PGD: variants seen among roughly 807,000 people sequenced by gnomAD.
PGD encodes phosphogluconate dehydrogenase.
In PGD, 21 loss-of-function variants were observed where a neutral mutation model predicts 60.4. The observed-to-expected ratio is 0.35, with a 90% CI of 0.25 to 0.50. PGD has a LOEUF of 0.50. Ranked by LOEUF, PGD falls within the 20% of genes least tolerant of loss-of-function variation. PGD has a pLI of 0.98. For synonymous variants in PGD, 230 were observed against 235.9 expected, an observed-to-expected ratio of 0.97 and a Z score of 0.23; for missense variants, 477 against 613.1, an observed-to-expected ratio of 0.78 and a Z score of 2.34.
intron 10 of PGD, among the ~76,000 whole-genome samples, chr1:10,418,390 A>T (rs1314349308): frequency 6.6e-6 from 1 of 152,230 alleles, no homozygotes; most frequent in Non-Finnish European, 1.5e-5. Flanking sequence ...TCTAAACAGG[A>T]AAAGGGTTAA....
chr1:10,413,791 G>A (rs1028355492), intron 8 of PGD, among the ~76,000 whole-genome samples: 1 of 152,126 alleles, frequency 6.6e-6, no homozygotes, highest in Non-Finnish European at 1.5e-5. Context: ...TGTAGTCCCA[G>A]CCACTCAGGA....
rs897582033 is a variant in PGD, at chr1:10,420,162, C to T, written c.*413C>T. The T allele has an allele frequency of 1.3e-5, 2 of 159,936 alleles. No individual in the cohort carries two copies. Among genetic ancestry groups the T allele is most frequent in the African/African-American group, 4.8e-5 (2 of 41,532 alleles). The allele number at this position is 159,936 out of a possible 1,614,324, so 9.9% of individuals were successfully genotyped here. ...CAGACTGATGCTCTTTCTCCAGATT[C>T]TTAGTCTCACCTCGGCCACATGGAG... On this transcript the variant is annotated 3_prime_UTR_variant, in exon 13 of 13. Coordinates refer to ENST00000270776, the MANE Select transcript of PGD (RefSeq NM_002631.4).
intron 5 of PGD, among the ~76,000 whole-genome samples, chr1:10,405,639 A>G (rs933257509): frequency 1.3e-5 from 2 of 151,032 alleles, no homozygotes; most frequent in Non-Finnish European, 3.0e-5. Context: ...CAGGAGTTCA[A>G]GACCAGCCTG....
In PGD at chr1:10,399,103, G is replaced by A. The variant is rs750599036; in HGVS notation, c.-15G>A. On this transcript the variant is annotated 5_prime_UTR_variant, in exon 1 of 13. Transcript: ENST00000270776. Reference sequence around the variant, plus strand: ...CCGCGCGTCGCCGCTCTTCGGTTCTGCTCTGTCCGCCGCCATGGCCCAGTG... The same window carrying A: ...CCGCGCGTCGCCGCTCTTCGGTTCTACTCTGTCCGCCGCCATGGCCCAGTG... 4.3e-6 allele frequency: 7 copies of A among 1,609,718 alleles called. No individual in the cohort carries two copies. Among genetic ancestry groups the A allele is most frequent in the Admixed American group, 1.7e-5 (1 of 59,996 alleles).
rs1639412770 is a variant in PGD, at chr1:10,406,781, CG to C, written c.450-1288del. Among the ~76,000 whole-genome samples the C allele has an allele frequency of 5.3e-5, 8 of 152,286 alleles. No individual in the cohort carries two copies. The South Asian group carries it at 1.7e-3, about 32-fold the overall frequency. ...GCTGAGCTGTGGAAGGAATGAACAGCGGCCTTTCTCTGAATGGTAATGTAGC... is the reference window on the plus strand; with the variant it reads ...GCTGAGCTGTGGAAGGAATGAACAGCGCCTTTCTCTGAATGGTAATGTAGC... On this transcript the variant is annotated intron_variant, in intron 5 of 12. Transcript: ENST00000270776.
rs148373597 is a variant in PGD, at chr1:10,409,381, C to T, written c.519+1241C>T. Among the ~76,000 whole-genome samples, 27 of 152,060 alleles carry T rather than the reference C, an allele frequency of 1.8e-4. No homozygotes were observed. In the East Asian group the frequency reaches 4.1e-3, roughly 23 times the overall value. On this transcript the variant is annotated intron_variant, in intron 6 of 12. Transcript: ENST00000270776. ...AGAAAGAGGCTGGTGCTGGGACTGA[C>T]GTAAAGAGCTGAGTAATCTTCTCAT...
chr1:10,419,374 C>G, intron 11 of PGD, 43 bp from the exon 12 acceptor site: 1 of 1,594,198 alleles, frequency 6.3e-7, no homozygotes, highest in Non-Finnish European at 8.5e-7. Context: ...TCCGCGTCAC[C>G]AGGGGCAGAT....
chr1:10,410,026 G>A (rs1639474195), intron 6 of PGD, among the ~76,000 whole-genome samples: 1 of 152,158 alleles, frequency 6.6e-6, no homozygotes, highest in South Asian at 2.1e-4. Flanking sequence ...GCCCCTACGT[G>A]TGTTGATCAA....
chr1:10,409,898 G>A (rs1639470659), intron 6 of PGD, among the ~76,000 whole-genome samples: 1 of 151,656 alleles, frequency 6.6e-6, no homozygotes, highest in Non-Finnish European at 1.5e-5. Flanking sequence ...TCAAGTAATC[G>A]GCCCACCTTG....
chr1:10,419,189 T>TC, intron 11 of PGD, among the ~76,000 whole-genome samples: 1 of 151,170 alleles, frequency 6.6e-6, no homozygotes, highest in Middle Eastern at 3.4e-3. Flanking sequence ...TTTTTTTTTT[T>TC]TGTATTTTTA....
rs377004625 is a variant in PGD at position 10,399,076 on chromosome 1, C to T, written c.-42C>T. 6.2e-7 allele frequency: 1 copy of T among 1,608,772 alleles called. No homozygotes were observed. Among genetic ancestry groups the T allele is most frequent in the Admixed American group, 1.7e-5 (1 of 59,988 alleles). The stretch of plus-strand genomic sequence containing the variant: ...GCTGCGGGTCTTTCCCTCACTCGTC[C>T]TCCGCGCGTCGCCGCTCTTCGGTTC... On this transcript the variant is annotated 5_prime_UTR_variant, in exon 1 of 13. Coordinates refer to ENST00000270776, the MANE Select transcript of PGD (RefSeq NM_002631.4).
In PGD at chr1:10,420,482, C is replaced by G. The variant is rs538210538; in HGVS notation, c.*733C>G. On this transcript the variant is annotated 3_prime_UTR_variant, in exon 13 of 13. Transcript: ENST00000270776. ...TGTCAAATACTTCATACTAAACTTT[C>G]TAGAGAATTAAACTTTAATGATGGG... 2.2e-5 allele frequency among the ~76,000 whole-genome samples: 3 copies of G among 133,828 alleles called. No homozygotes were observed. The highest frequency in any genetic ancestry group is 3.1e-5 in the Non-Finnish European group (2 of 65,108). 87.8% of individuals were successfully genotyped at this position (133,828 alleles called of 152,430 possible). A position where few individuals can be genotyped will look rare whatever the true frequency, so the allele number is the denominator to read the frequency against.
rs57033638 is a variant in PGD at position 10,405,401 on chromosome 1, T to TACACACAC, written c.449+1140_449+1147dup. 5.9e-3 allele frequency among the ~76,000 whole-genome samples: 643 copies of TACACACAC among 108,496 alleles called. 6 individuals carry two copies. Among genetic ancestry groups the TACACACAC allele is most frequent in the African/African-American group, 0.016 (549 of 34,904 alleles). The allele number at this position is 108,496 out of a possible 152,430, so 71.2% of individuals were successfully genotyped here. ...AAAACAAAACAAAACAAACAAAAAA[T>TACACACAC]ACACACACACACACACACACACACA... On this transcript the variant is annotated intron_variant, in intron 5 of 12. Transcript: ENST00000270776.
chr1:10,403,195 C>G, intron 4 of PGD, 59 bp downstream of exon 4: 1 of 1,195,806 alleles, frequency 8.4e-7, no homozygotes, highest in South Asian at 1.2e-5. Context: ...AAAAAAGTGT[C>G]AGCATCGCAT....
chr1:10,400,603 A>G (rs1428572526), intron 3 of PGD, 31 bp downstream of exon 3: 2 of 1,533,936 alleles, frequency 1.3e-6, no homozygotes, highest in East Asian at 2.3e-5. Context: ...AGCTGCTACC[A>G]CGATAGCAGC....
chr1:10,411,633 C>T, intron 7 of PGD, 81 bp downstream of exon 7: 4 of 1,553,034 alleles, frequency 2.6e-6, no homozygotes, highest in Admixed American at 1.7e-5. Flanking sequence ...TTCTTCATTC[C>T]TATCCCCTTG....
chr1:10,405,401 TACAC>T (rs57033638), intron 5 of PGD, among the ~76,000 whole-genome samples: 41 of 108,502 alleles, frequency 3.8e-4, no homozygotes, highest in African/African-American at 3.2e-4. Flanking sequence ...AAACAAAAAA[TACAC>T]ACACACACAC....
intron 8 of PGD, among the ~76,000 whole-genome samples, chr1:10,415,738 T>C (rs1173397091): frequency 6.6e-6 from 1 of 152,262 alleles, no homozygotes; most frequent in African/African-American, 2.4e-5. Context: ...CCCTGAGATT[T>C]TACTTCATTT....
In PGD at chr1:10,419,507, A is replaced by G. The variant is rs1366166806; in HGVS notation, c.1300A>G (p.Arg434Gly). Residue 434 changes from arginine (R) to glycine (G), a missense_variant, in exon 12 of 13, where the codon AGA becomes GGA. Arg to Gly is a moderately radical substitution (Grantham distance 125, BLOSUM62 -2). Transcript: ENST00000270776. ...TTALSFYDGYRHEMLPASLIQ... is the reference protein window; with the variant it reads ...TTALSFYDGYGHEMLPASLIQ... ...TGCCCTCTCCTTCTATGACGGGTAC[A>G]GACATGAGATGCTTCCAGCCAGCCT... 1 of 1,614,214 alleles carries G rather than the reference A, an allele frequency of 6.2e-7. No homozygotes were observed. The highest frequency in any genetic ancestry group is 1.1e-5 in the South Asian group (1 of 91,086).
Sources: gnomAD v4.1 joint callset for allele counts (sites outside exome capture counted in the v4.1 genomes callset) on GRCh38, gnomAD v4.1.1 for gene constraint, MANE v1.5 for transcripts, NCBI Gene and HGNC (gene_info 2026-07-23, HGNC 2026-07-21) for gene names.